Variants in RBFOX1 observed in about 807,000 individuals in gnomAD.
RBFOX1 encodes RNA binding protein fox-1 homolog 1.
RBFOX1 carries 8 observed loss-of-function variants against 57.7 expected under a neutral mutation model. The observed-to-expected ratio is 0.14, with a 90% CI of 0.08 to 0.25. RBFOX1 has a LOEUF of 0.25. Ranked by LOEUF, RBFOX1 falls within the 10% of genes least tolerant of loss-of-function variation. RBFOX1 has a pLI of 1.00. For synonymous variants in RBFOX1, 326 were observed against 222.4 expected (o/e 1.47, Z -4.15); for missense variants, 611 against 548.5 (o/e 1.11, Z -1.14).
chr16:7,393,368 C>T (rs1330368001), intron 4 of RBFOX1, among the ~76,000 whole-genome samples: 2 of 152,316 alleles, frequency 1.3e-5, no homozygotes, highest in South Asian at 2.1e-4. Context: ...TGTCAATCCA[C>T]AAGTTTTCTT....
intron 3 of RBFOX1, among the ~76,000 whole-genome samples, chr16:5,720,115 T>G (rs1282262427): frequency 6.6e-6 from 1 of 152,216 alleles, no homozygotes; most frequent in Non-Finnish European, 1.5e-5. Context: ...CTGGCCATCT[T>G]AGTGAGTGTG....
chr16:7,641,224 C>T (rs1027230391), intron 11 of RBFOX1, among the ~76,000 whole-genome samples: 3 of 152,198 alleles, frequency 2.0e-5, no homozygotes, highest in African/African-American at 7.2e-5. Context: ...GTGGCTGCTG[C>T]TTCTTCCCTT....
intron 3 of RBFOX1, among the ~76,000 whole-genome samples, chr16:6,987,889 C>A (rs17141953): frequency 8.5e-5 from 13 of 152,150 alleles, no homozygotes; most frequent in Non-Finnish European, 7.4e-5. Context: ...TATCCCTATT[C>A]GGGTCAGAAA....
At chr16:7,293,807 C>G (rs762340011) in intron 4 of RBFOX1, among the ~76,000 whole-genome samples, 1 of 152,058 alleles carries the variant, frequency 6.6e-6, no homozygotes, top group Non-Finnish European at 1.5e-5. Flanking sequence ...CCTAGCTCAC[C>G]TCCAACAATC....
intron 3 of RBFOX1, among the ~76,000 whole-genome samples, chr16:6,855,789 G>T (rs115564247): frequency 0.026 from 3,763 of 143,544 alleles, 176 homozygotes; most frequent in East Asian, 0.2. Flanking sequence ...TAGAGGATTT[G>T]AGTGATAAAT....
At chr16:7,160,192 A>G (rs1463133087) in intron 4 of RBFOX1, among the ~76,000 whole-genome samples, 2 of 148,924 alleles carry the variant, frequency 1.3e-5, no homozygotes, top group Non-Finnish European at 1.5e-5. Flanking sequence ...ATGACTTTTG[A>G]CTTTTTTTTT....
intron 2 of RBFOX1, among the ~76,000 whole-genome samples, chr16:6,576,101 G>A (rs1017611694): frequency 5.5e-4 from 83 of 152,120 alleles, no homozygotes; most frequent in African/African-American, 1.9e-3. Flanking sequence ...ATTGTTTATT[G>A]TTGTGCACTT....
At chr16:7,297,485 C>T (rs532826100) in intron 4 of RBFOX1, among the ~76,000 whole-genome samples, 176 of 152,264 alleles carry the variant, frequency 1.2e-3, no homozygotes, top group African/African-American at 4.0e-3. Flanking sequence ...ATAAGAGATT[C>T]TGGGTTACTG....
chr16:6,420,596 C>T (rs1374916310), intron 2 of RBFOX1, among the ~76,000 whole-genome samples: 1 of 151,956 alleles, frequency 6.6e-6, no homozygotes, highest in Non-Finnish European at 1.5e-5. Flanking sequence ...AAGGATGGGC[C>T]CTATTACAGA....
intron 3 of RBFOX1, among the ~76,000 whole-genome samples, chr16:6,779,999 A>T (rs866117761): frequency 8.1e-4 from 15 of 18,562 alleles, no homozygotes; most frequent in South Asian, 4.0e-3. Context: ...TTATATATTT[A>T]TATATATTTA....
intron 1 of RBFOX1, among the ~76,000 whole-genome samples, chr16:6,190,864 A>G (rs1217666037): frequency 6.6e-6 from 1 of 152,178 alleles, no homozygotes; most frequent in Non-Finnish European, 1.5e-5. Context: ...GAGTTGGGAG[A>G]AATGTACCAT....
chr16:5,352,210 C>T (rs772567538), intron 1 of RBFOX1, among the ~76,000 whole-genome samples: 6 of 152,282 alleles, frequency 3.9e-5, no homozygotes, highest in South Asian at 2.1e-4. Context: ...CTCCTCCGAA[C>T]GCTGTGTGCC....
intron 3 of RBFOX1, among the ~76,000 whole-genome samples, chr16:6,810,471 G>A (rs1223423621): frequency 3.9e-5 from 6 of 151,956 alleles, no homozygotes; most frequent in African/African-American, 1.2e-4. Flanking sequence ...CTAATTTTCC[G>A]TTCATGGCAC....
intron 4 of RBFOX1, among the ~76,000 whole-genome samples, chr16:7,482,542 A>AG (rs2064251824): frequency 2.6e-5 from 2 of 77,146 alleles, no homozygotes; most frequent in Admixed American, 1.7e-4. Context: ...ATTGCCTGGG[A>AG]TTTTTTTTTT....
chr16:7,538,313 C>A (rs1327804167), intron 5 of RBFOX1, among the ~76,000 whole-genome samples: 1 of 152,166 alleles, frequency 6.6e-6, no homozygotes, highest in Non-Finnish European at 1.5e-5. Flanking sequence ...TATGTGCTGT[C>A]CATCTGCCCC....
intron 3 of RBFOX1, among the ~76,000 whole-genome samples, chr16:6,812,946 A>C (rs192890328): frequency 6.6e-6 from 1 of 152,250 alleles, no homozygotes; most frequent in East Asian, 1.9e-4. Flanking sequence ...AGACTGGGAG[A>C]ATAGGGAAGT....
chr16:7,154,150 A>G (rs766053783), intron 4 of RBFOX1, among the ~76,000 whole-genome samples: 15 of 152,200 alleles, frequency 9.9e-5, no homozygotes, highest in African/African-American at 3.4e-4. Flanking sequence ...TCATCATCCA[A>G]AAGTTATTTG....
At chr16:6,816,576 C>G (rs149825566) in intron 3 of RBFOX1, among the ~76,000 whole-genome samples, 1 of 151,688 alleles carries the variant, frequency 6.6e-6, no homozygotes, top group African/African-American at 2.4e-5. Flanking sequence ...CCCGTCTCTA[C>G]TAAAAATACA....
chr16:7,412,046 A>G (rs2098434326), intron 4 of RBFOX1, among the ~76,000 whole-genome samples: 1 of 152,196 alleles, frequency 6.6e-6, no homozygotes, highest in South Asian at 2.1e-4. Context: ...GATGAAAACT[A>G]AAGCAATCGA....
Sources: allele counts gnomAD v4.1 joint callset (sites outside exome capture counted in the v4.1 genomes callset), GRCh38; gene constraint gnomAD v4.1.1; transcripts MANE v1.5; gene names NCBI Gene and HGNC (gene_info 2026-07-23, HGNC 2026-07-21).